Variants in CPQ observed in about 807,000 individuals in gnomAD.
The protein encoded by CPQ is carboxypeptidase Q.
A neutral mutation model predicts 45.7 loss-of-function variants in CPQ; 37 were observed. That is an observed-to-expected ratio of 0.81 (90% CI 0.62 to 1.07). CPQ has a LOEUF of 1.07. Among genes scored for constraint, CPQ ranks in the 50% least tolerant of loss-of-function variants. CPQ has a pLI of 0.00. For missense variants in CPQ, 537 were observed against 572.9 expected (o/e 0.94, Z 0.64); for synonymous variants, 186 against 205.8 (o/e 0.90, Z 0.82).
chr8:96,687,100 C>T (rs1374601630), intron 1 of CPQ, among the ~76,000 whole-genome samples: 1 of 152,082 alleles, frequency 6.6e-6, no homozygotes, highest in African/African-American at 2.4e-5. Context: ...TATTTCTCCT[C>T]CTCCACCCAT....
intron 1 of CPQ, among the ~76,000 whole-genome samples, chr8:96,669,091 A>C (rs556654049): frequency 6.6e-6 from 1 of 152,342 alleles, no homozygotes; most frequent in Admixed American, 6.5e-5. Flanking sequence ...CTGCCAGGGT[A>C]GGGTCAGAGA....
At chr8:96,865,210 AT>A (rs1356032689) in intron 3 of CPQ, among the ~76,000 whole-genome samples, 4 of 152,004 alleles carry the variant, frequency 2.6e-5, no homozygotes, top group Admixed American at 2.0e-4. Flanking sequence ...AACTCTGCCT[AT>A]CCAGGATTTA....
intron 1 of CPQ, among the ~76,000 whole-genome samples, chr8:96,702,793 G>A (rs1370305810): frequency 6.6e-6 from 1 of 151,874 alleles, no homozygotes; most frequent in Non-Finnish European, 1.5e-5. Flanking sequence ...CTGTAAACAA[G>A]TGTCTTCTTT....
intron 4 of CPQ, among the ~76,000 whole-genome samples, chr8:96,900,954 A>G (rs1812505258): frequency 6.6e-6 from 1 of 152,140 alleles, no homozygotes. Flanking sequence ...AATAGGCCCC[A>G]TGTCTCTGCC....
At chr8:96,655,363 A>G (rs776860163) in intron 1 of CPQ, among the ~76,000 whole-genome samples, 35 of 151,860 alleles carry the variant, frequency 2.3e-4, no homozygotes, top group Admixed American at 1.4e-3. Context: ...GAAGATTTCT[A>G]TTGCATTTTT....
At chr8:97,064,785 A>G (rs951150279) in intron 6 of CPQ, among the ~76,000 whole-genome samples, 4 of 152,160 alleles carry the variant, frequency 2.6e-5, no homozygotes, top group African/African-American at 7.2e-5. Flanking sequence ...TAGGTGGAAA[A>G]TCATTCTAAA....
intron 1 of CPQ, among the ~76,000 whole-genome samples, chr8:96,694,132 A>G (rs560865199): frequency 6.6e-6 from 1 of 152,286 alleles, no homozygotes; most frequent in African/African-American, 2.4e-5. Context: ...ATTAAAAAGC[A>G]AAAAATTAAA....
intron 1 of CPQ, among the ~76,000 whole-genome samples, chr8:96,740,191 T>G (rs1810064462): frequency 6.6e-6 from 1 of 152,108 alleles, no homozygotes; most frequent in South Asian, 2.1e-4. Flanking sequence ...CCTTGTAAGT[T>G]GGATTCCTAG....
chr8:97,107,968 C>T (rs1455614384), intron 7 of CPQ, among the ~76,000 whole-genome samples: 1 of 151,972 alleles, frequency 6.6e-6, no homozygotes, highest in Non-Finnish European at 1.5e-5. Flanking sequence ...TCTACAGCAG[C>T]AAATAAGAAG....
chr8:96,906,390 T>C (rs1329421547), intron 4 of CPQ, among the ~76,000 whole-genome samples: 1 of 152,188 alleles, frequency 6.6e-6, no homozygotes, highest in Non-Finnish European at 1.5e-5. Context: ...TAAAAGTCTA[T>C]GTCTTGGGCT....
chr8:96,902,646 G>A (rs1312912454), intron 4 of CPQ, among the ~76,000 whole-genome samples: 3 of 152,272 alleles, frequency 2.0e-5, no homozygotes, highest in East Asian at 1.9e-4. Flanking sequence ...CCTTGCCCTT[G>A]TCTGCTACTA....
At chr8:96,913,613 C>T (rs1376203694) in intron 4 of CPQ, among the ~76,000 whole-genome samples, 1 of 152,148 alleles carries the variant, frequency 6.6e-6, no homozygotes, top group Non-Finnish European at 1.5e-5. Flanking sequence ...GCCAAGGCTC[C>T]AAGGTATGAT....
chr8:97,104,159 T>C (rs1297673063), intron 7 of CPQ, among the ~76,000 whole-genome samples: 3 of 152,168 alleles, frequency 2.0e-5, no homozygotes, highest in African/African-American at 4.8e-5. Flanking sequence ...ATAATGATCA[T>C]ATCAAAGGTT....
chr8:96,861,411 G>A (rs1586429682), intron 3 of CPQ, among the ~76,000 whole-genome samples: 2 of 152,062 alleles, frequency 1.3e-5, no homozygotes, highest in Admixed American at 6.6e-5. Flanking sequence ...ATGAAAGGGG[G>A]AAAAGCAATA....
At chr8:96,859,957 C>G (rs1039190692) in intron 3 of CPQ, among the ~76,000 whole-genome samples, 1 of 151,940 alleles carries the variant, frequency 6.6e-6, no homozygotes, top group Admixed American at 6.6e-5. Context: ...TAGAGATTAC[C>G]AAATTGTTCT....
At chr8:96,905,640 C>T (rs1359804893) in intron 4 of CPQ, among the ~76,000 whole-genome samples, 4 of 151,984 alleles carry the variant, frequency 2.6e-5, no homozygotes, top group East Asian at 1.9e-4. Flanking sequence ...AAGGCTTTCT[C>T]CCAGCTAAGA....
chr8:96,779,600 T>C (rs1563494949), intron 1 of CPQ, among the ~76,000 whole-genome samples: 1 of 152,182 alleles, frequency 6.6e-6, no homozygotes, highest in Non-Finnish European at 1.5e-5. Context: ...TAAGCTCTCT[T>C]TTATCTCTAC....
intron 7 of CPQ, among the ~76,000 whole-genome samples, chr8:97,132,556 G>A (rs75699385): frequency 0.013 from 1,905 of 152,230 alleles, 47 homozygotes; most frequent in African/African-American, 0.043. Flanking sequence ...ACTGCACTGT[G>A]GCTTTGTAAC....
At chr8:96,846,269 C>T (rs542055348) in intron 3 of CPQ, among the ~76,000 whole-genome samples, 1 of 152,272 alleles carries the variant, frequency 6.6e-6, no homozygotes, top group Non-Finnish European at 1.5e-5. Context: ...TTACATCTCC[C>T]TGATTTCTGA....
Sources: allele counts gnomAD v4.1 joint callset (sites outside exome capture counted in the v4.1 genomes callset), GRCh38; gene constraint gnomAD v4.1.1; transcripts MANE v1.5; gene names NCBI Gene and HGNC (gene_info 2026-07-23, HGNC 2026-07-21).